The following EAF2 variants were observed in gnomAD, a reference collection of about 807,000 sequenced individuals.
The protein encoded by EAF2 is ELL-associated factor 2.
In EAF2, 29 loss-of-function variants were observed where a neutral mutation model predicts 29.4. The ratio of observed to expected loss-of-function variants is 0.99; its 90% CI spans 0.73 to 1.35. The LOEUF (loss-of-function observed/expected upper bound fraction) is 1.35. Ranked by LOEUF, EAF2 falls within the 40% of genes most tolerant of loss-of-function variation. The pLI is 0.00. For synonymous variants in EAF2, 103 were observed against 102.5 expected, an observed-to-expected ratio of 1.00 and a Z score of -0.03; for missense variants, 292 against 312.0, an observed-to-expected ratio of 0.94 and a Z score of 0.48.
At chr3:121,875,085 A>G (rs1299021904) in intron 5 of EAF2, among the ~76,000 whole-genome samples, 1 of 151,918 alleles carries the variant, frequency 6.6e-6, no homozygotes, top group African/African-American at 2.4e-5. Context: ...AGTTATAATA[A>G]TATAATCAGA....
At chr3:121,880,118 A>T (rs1391231358) in intron 5 of EAF2, among the ~76,000 whole-genome samples, 1 of 151,322 alleles carries the variant, frequency 6.6e-6, no homozygotes, top group Non-Finnish European at 1.5e-5. Context: ...ATTTATTCCT[A>T]GGTTTGTTGC....
Position 121,857,057 on chromosome 3 carries a change from C to T in EAF2, c.385C>T (p.Gln129Ter), listed in dbSNP as rs1280934105. 3 of 1,613,762 alleles carry T rather than the reference C, an allele frequency of 1.9e-6. No individual in the cohort carries two copies. Among genetic ancestry groups the T allele is most frequent in the Non-Finnish European group, 2.5e-6 (3 of 1,179,802 alleles). Reference protein sequence around the residue: ...KIQYRKEQQQQQMWNSARTPN... With the variant: ...KIQYRKEQQQ Reference sequence around the variant, plus strand: ...TCAGTATCGTAAAGAACAACAGCAACAACAAATGTGGAATTCAGCCAGGAC... The same window carrying T: ...TCAGTATCGTAAAGAACAACAGCAATAACAAATGTGGAATTCAGCCAGGAC... The change falls in exon 4 of 6, where the codon CAA becomes TAA. Residue 129 changes from glutamine to a stop codon, truncating the protein, a stop_gained. Transcript: ENST00000273668. LOFTEE classifies it high-confidence loss of function.
At chr3:121,880,211 C>G (rs556453959) in intron 5 of EAF2, among the ~76,000 whole-genome samples, 1 of 152,138 alleles carries the variant, frequency 6.6e-6, no homozygotes, top group East Asian at 1.9e-4. Context: ...GGCATGATTA[C>G]AGCTCACTGC....
At chr3:121,863,977 C>T (rs1472481223) in intron 4 of EAF2, among the ~76,000 whole-genome samples, 3 of 151,974 alleles carry the variant, frequency 2.0e-5, no homozygotes, top group Admixed American at 6.5e-5. Flanking sequence ...TTATGTATGG[C>T]CAGACTGTAG....
chr3:121,847,089 A>AT (rs1219107959), intron 2 of EAF2, among the ~76,000 whole-genome samples: 2 of 152,194 alleles, frequency 1.3e-5, no homozygotes, highest in African/African-American at 4.8e-5. Context: ...GTGTGTGTGT[A>AT]TATGCATGGA....
At chr3:121,848,899 A>T (rs1708580121) in intron 2 of EAF2, among the ~76,000 whole-genome samples, 1 of 152,130 alleles carries the variant, frequency 6.6e-6, no homozygotes, top group Non-Finnish European at 1.5e-5. Context: ...CACAAAAAAA[A>T]GAGAATGAAA....
chr3:121,876,984 T>C (rs1709109061), intron 5 of EAF2, among the ~76,000 whole-genome samples: 1 of 151,404 alleles, frequency 6.6e-6, no homozygotes, highest in Admixed American at 6.6e-5. Flanking sequence ...TAACAAATTG[T>C]CTAAAAACCA....
chr3:121,874,676 C>G (rs565614204), intron 5 of EAF2, among the ~76,000 whole-genome samples: 1 of 151,942 alleles, frequency 6.6e-6, no homozygotes, highest in East Asian at 1.9e-4. Flanking sequence ...TTTAGAATTT[C>G]TTTTTAAATC....
chr3:121,872,325 C>T (rs1709028941), intron 4 of EAF2, among the ~76,000 whole-genome samples: 1 of 151,640 alleles, frequency 6.6e-6, no homozygotes, highest in Non-Finnish European at 1.5e-5. Flanking sequence ...AGATTTAGAC[C>T]TTGTCTATCC....
chr3:121,843,203 A>G (rs1270283750), intron 1 of EAF2, among the ~76,000 whole-genome samples: 1 of 152,190 alleles, frequency 6.6e-6, no homozygotes, highest in Non-Finnish European at 1.5e-5. Flanking sequence ...GGTGCCTGGC[A>G]TGTAGTAAGT....
chr3:121,864,459 T>C (rs1708889480), intron 4 of EAF2, among the ~76,000 whole-genome samples: 1 of 152,130 alleles, frequency 6.6e-6, no homozygotes, highest in Non-Finnish European at 1.5e-5. Flanking sequence ...ATGAATACAA[T>C]AAAATATTGG....
intron 5 of EAF2, among the ~76,000 whole-genome samples, chr3:121,883,349 T>A (rs1186410398): frequency 2.0e-5 from 3 of 152,226 alleles, no homozygotes; most frequent in Non-Finnish European, 4.4e-5. Context: ...ATGTTACTAA[T>A]GTGTTGCCCC....
At chr3:121,858,845 T>C (rs1414346689) in intron 4 of EAF2, among the ~76,000 whole-genome samples, 1 of 152,236 alleles carries the variant, frequency 6.6e-6, no homozygotes, top group Non-Finnish European at 1.5e-5. Flanking sequence ...TTAATTTTTA[T>C]ATAAGGTGTA....
At chr3:121,880,228 G>A (rs1376194212) in intron 5 of EAF2, among the ~76,000 whole-genome samples, 1 of 151,902 alleles carries the variant, frequency 6.6e-6, no homozygotes. Flanking sequence ...CTGCAGCCTT[G>A]AACTCCTAGG....
chr3:121,845,431 C>A (rs1333637291), intron 2 of EAF2, among the ~76,000 whole-genome samples: 1 of 64,118 alleles, frequency 1.6e-5, no homozygotes, highest in Admixed American at 2.3e-4. Flanking sequence ...GAGCGAGACT[C>A]CTACATCTCA....
chr3:121,868,348 C>T (rs1446809683), intron 4 of EAF2, among the ~76,000 whole-genome samples: 1 of 152,164 alleles, frequency 6.6e-6, no homozygotes, highest in Admixed American at 6.5e-5. Flanking sequence ...CCTGCAATCC[C>T]AGCACTTTGG....
intron 1 of EAF2, among the ~76,000 whole-genome samples, chr3:121,842,467 T>C (rs904045715): frequency 6.6e-6 from 1 of 152,218 alleles, no homozygotes; most frequent in African/African-American, 2.4e-5. Flanking sequence ...GCAGTTCGTT[T>C]TTCTAGCTTT....
At chr3:121,879,898 G>GT (rs897781972) in intron 5 of EAF2, among the ~76,000 whole-genome samples, 31 of 151,580 alleles carry the variant, frequency 2.0e-4, no homozygotes, top group Admixed American at 3.9e-4. Flanking sequence ...TGAAGCTTAT[G>GT]TTTTTTTTGT....
chr3:121,853,637 A>G (rs886753522), intron 2 of EAF2, among the ~76,000 whole-genome samples: 4 of 152,202 alleles, frequency 2.6e-5, no homozygotes, highest in African/African-American at 9.6e-5. Flanking sequence ...GAAAAACCGT[A>G]CTATCTGTCC....
Sources: gnomAD v4.1 joint callset for allele counts (sites outside exome capture counted in the v4.1 genomes callset) on GRCh38, gnomAD v4.1.1 for gene constraint, MANE v1.5 for transcripts, NCBI Gene and HGNC (gene_info 2026-07-23, HGNC 2026-07-21) for gene names.